Variants in FBXW7 observed in about 807,000 individuals in gnomAD.
FBXW7 encodes F-box/WD repeat-containing protein 7.
FBXW7 carries 11 observed loss-of-function variants against 86.3 expected under a neutral mutation model. The observed-to-expected ratio is 0.13, with a 90% CI of 0.08 to 0.21. The LOEUF (loss-of-function observed/expected upper bound fraction) is 0.21. Ranked by LOEUF, FBXW7 falls within the 10% of genes least tolerant of loss-of-function variation. The probability of loss-of-function intolerance (pLI) is 1.00; values close to 1 mark genes in which losing one functional copy is unlikely to be tolerated. For synonymous variants in FBXW7, 313 were observed against 297.9 expected, an observed-to-expected ratio of 1.05 and a Z score of -0.52; for missense variants, 488 against 847.4, an observed-to-expected ratio of 0.58 and a Z score of 5.27.
intron 6 of FBXW7, among the ~76,000 whole-genome samples, chr4:152,345,112 A>G (rs980290959): frequency 6.6e-6 from 1 of 152,174 alleles, no homozygotes; most frequent in Non-Finnish European, 1.5e-5. Flanking sequence ...GAGATGATAA[A>G]AATCTTTAAA....
intron 4 of FBXW7, among the ~76,000 whole-genome samples, chr4:152,387,271 CAG>C (rs1372966049): frequency 1.3e-5 from 2 of 152,104 alleles, no homozygotes; most frequent in African/African-American, 4.8e-5. Flanking sequence ...GTTGTAGAAA[CAG>C]AAAGTCCCAC....
At chr4:152,455,144 A>T (rs781302566) in intron 2 of FBXW7, among the ~76,000 whole-genome samples, 8 of 152,186 alleles carry the variant, frequency 5.3e-5, no homozygotes, top group Non-Finnish European at 1.2e-4. Context: ...GATTTTTTAA[A>T]TATAAATTTA....
At chr4:152,488,515 C>T (rs756334065) in intron 2 of FBXW7, among the ~76,000 whole-genome samples, 1 of 152,046 alleles carries the variant, frequency 6.6e-6, no homozygotes, top group Non-Finnish European at 1.5e-5. Context: ...TATGAAACAT[C>T]AGAAACCTTA....
chr4:152,376,917 GA>G (rs1157403131), intron 4 of FBXW7, among the ~76,000 whole-genome samples: 1 of 151,372 alleles, frequency 6.6e-6, no homozygotes, highest in Non-Finnish European at 1.5e-5. Context: ...CATAATCTGT[GA>G]GATAACTCTA....
intron 2 of FBXW7, among the ~76,000 whole-genome samples, chr4:152,500,890 T>A (rs2149699762): frequency 6.6e-6 from 1 of 152,334 alleles, no homozygotes; most frequent in East Asian, 1.9e-4. Context: ...CAACATAAGA[T>A]TTCTTCTATT....
At chr4:152,518,585 T>A (rs940174232) in intron 2 of FBXW7, among the ~76,000 whole-genome samples, 4 of 152,340 alleles carry the variant, frequency 2.6e-5, no homozygotes, top group Non-Finnish European at 5.9e-5. Context: ...GCATAAGCCA[T>A]CACGCTCAGC....
chr4:152,385,048 C>T (rs534899879), intron 4 of FBXW7, among the ~76,000 whole-genome samples: 1 of 152,044 alleles, frequency 6.6e-6, no homozygotes, highest in South Asian at 2.1e-4. Flanking sequence ...TAAAGTAGGT[C>T]CCATGGAATA....
intron 2 of FBXW7, among the ~76,000 whole-genome samples, chr4:152,472,943 A>G (rs544964345): frequency 1.3e-5 from 2 of 152,206 alleles, no homozygotes; most frequent in Non-Finnish European, 2.9e-5. Flanking sequence ...TTATATAAAT[A>G]TGTTTAAGAG....
At chr4:152,352,460 GCTTA>G in intron 4 of FBXW7, 3 of 1,613,692 alleles carry the variant, frequency 1.9e-6, no homozygotes, top group Non-Finnish European at 2.5e-6. Flanking sequence ...GAAGAAAACA[GCTTA>G]CTTACTTTGT....
At position 152,328,408 on chromosome 4, in the gene FBXW7, T is replaced by A. The variant is rs1729251377; in HGVS notation, c.1237-19A>T. The A allele has an allele frequency of 7.0e-7, 1 of 1,430,502 alleles. No individual in the cohort carries two copies. Among genetic ancestry groups the A allele is most frequent in the East Asian group, 2.7e-5 (1 of 36,776 alleles). The allele number at this position is 1,430,502 out of a possible 1,614,324, so 88.6% of individuals were successfully genotyped here. A position where few individuals can be genotyped will look rare whatever the true frequency, so the allele number is the denominator to read the frequency against. ...TCAGACACTGGAAAAACACTTAAGA[T>A]GATTACTTTTGGGTAGAAAGGAAAA... is the stretch of plus-strand genomic sequence containing the variant. On this transcript the variant is annotated intron_variant, in intron 10 of 13. Coordinates refer to ENST00000281708, the MANE Select transcript of FBXW7 (RefSeq NM_001349798.2).
chr4:152,361,543 TGATA>T (rs1303699142), intron 4 of FBXW7, among the ~76,000 whole-genome samples: 2 of 152,216 alleles, frequency 1.3e-5, no homozygotes, highest in Non-Finnish European at 2.9e-5. Flanking sequence ...ACTGTAAGAC[TGATA>T]GTTAGAAGCA....
At chr4:152,336,602 A>G (rs774999269) in intron 7 of FBXW7, among the ~76,000 whole-genome samples, 2 of 152,092 alleles carry the variant, frequency 1.3e-5, no homozygotes, top group Non-Finnish European at 2.9e-5. Flanking sequence ...TCTGGAAGCA[A>G]AGAGAGCTGA....
At chr4:152,514,213 T>G (rs574345837) in intron 2 of FBXW7, among the ~76,000 whole-genome samples, 1 of 152,212 alleles carries the variant, frequency 6.6e-6, no homozygotes, top group Non-Finnish European at 1.5e-5. Context: ...AGAAGCTAAG[T>G]GGGCTTTTTA....
intron 4 of FBXW7, among the ~76,000 whole-genome samples, chr4:152,368,259 A>T (rs1415598250): frequency 6.6e-6 from 1 of 152,116 alleles, no homozygotes; most frequent in Non-Finnish European, 1.5e-5. Context: ...AAAATACTGC[A>T]TTATAACAAA....
chr4:152,509,906 A>T (rs929883112), intron 2 of FBXW7, among the ~76,000 whole-genome samples: 2 of 152,146 alleles, frequency 1.3e-5, no homozygotes, highest in Admixed American at 6.5e-5. Context: ...TATCTGCAGA[A>T]CCTCCTGCTC....
chr4:152,486,318 A>C (rs539295373), intron 2 of FBXW7, among the ~76,000 whole-genome samples: 9 of 152,300 alleles, frequency 5.9e-5, no homozygotes, highest in African/African-American at 2.2e-4. Flanking sequence ...TTTCTTCAAT[A>C]ATAAACCTTA....
At chr4:152,342,035 G>A (rs1200496228) in intron 6 of FBXW7, among the ~76,000 whole-genome samples, 1 of 151,900 alleles carries the variant, frequency 6.6e-6, no homozygotes, top group Non-Finnish European at 1.5e-5. Context: ...CTTGAAAAGT[G>A]GTTGTCTCAG....
At chr4:152,324,454 C>T (rs1728821959) in intron 12 of FBXW7, 60 bp from the exon 13 acceptor site, 1 of 1,343,144 alleles carries the variant, frequency 7.4e-7, no homozygotes, top group South Asian at 1.3e-5. Flanking sequence ...CAATTACTGA[C>T]CTTAATCCTA....
At chr4:152,361,968 A>T (rs1414015382) in intron 4 of FBXW7, among the ~76,000 whole-genome samples, 1 of 149,684 alleles carries the variant, frequency 6.7e-6, no homozygotes, top group Non-Finnish European at 1.5e-5. Flanking sequence ...TCCATCTCAA[A>T]AAAAAAAAAA....
Sources: allele counts gnomAD v4.1 joint callset (sites outside exome capture counted in the v4.1 genomes callset), GRCh38; gene constraint gnomAD v4.1.1; transcripts MANE v1.5; gene names NCBI Gene and HGNC (gene_info 2026-07-23, HGNC 2026-07-21).